The following TCF12 variants were observed in gnomAD, a reference collection of about 807,000 sequenced individuals.
TCF12 encodes DNA-binding protein HTF4.
Under a neutral mutation model 86.0 loss-of-function variants are expected in TCF12, and 45 were observed. That is an observed-to-expected ratio of 0.52 (90% CI 0.41 to 0.67). TCF12 has a LOEUF of 0.67. Ranked by LOEUF, TCF12 falls within the 30% of genes least tolerant of loss-of-function variation. The pLI, the probability that TCF12 is intolerant of heterozygous loss-of-function variation, is 0.00. For missense variants in TCF12, 881 were observed against 859.9 expected (o/e 1.02, Z -0.31); for synonymous variants, 330 against 299.6 (o/e 1.10, Z -1.05).
chr15:57,267,619 A>G (rs1234540102), intron 18 of TCF12, among the ~76,000 whole-genome samples: 4 of 152,178 alleles, frequency 2.6e-5, no homozygotes, highest in African/African-American at 9.7e-5. Context: ...TAGAGGACAA[A>G]AGTAGCCAAA....
At chr15:57,036,698 T>TA (rs1221845166) in intron 3 of TCF12, among the ~76,000 whole-genome samples, 1 of 152,198 alleles carries the variant, frequency 6.6e-6, no homozygotes, top group East Asian at 1.9e-4. Context: ...ATTGAAAATT[T>TA]AAAAAAATTA....
chr15:57,204,318 G>A (rs571718574), intron 8 of TCF12, among the ~76,000 whole-genome samples: 1 of 152,146 alleles, frequency 6.6e-6, no homozygotes, highest in African/African-American at 2.4e-5. Context: ...AGGTATGGTG[G>A]CATGTGCCTG....
intron 2 of TCF12, 34 bp downstream of exon 2, chr15:56,920,022 G>A (rs766514596): frequency 6.2e-7 from 1 of 1,612,348 alleles, no homozygotes; most frequent in Non-Finnish European, 8.5e-7. Flanking sequence ...TTGGGGTTCT[G>A]CTGAGGTTTT....
chr15:56,939,546 A>G (rs969612257), intron 3 of TCF12, among the ~76,000 whole-genome samples: 1 of 152,176 alleles, frequency 6.6e-6, no homozygotes, highest in Non-Finnish European at 1.5e-5. Flanking sequence ...TACTATATGT[A>G]TATTAGACAG....
chr15:56,959,524 A>G (rs577695285), intron 3 of TCF12, among the ~76,000 whole-genome samples: 1 of 152,346 alleles, frequency 6.6e-6, no homozygotes, highest in Non-Finnish European at 1.5e-5. Context: ...GGTGCTAGGA[A>G]TGTTGGTTAA....
At chr15:57,068,735 G>T (rs2069117626) in intron 4 of TCF12, among the ~76,000 whole-genome samples, 1 of 152,154 alleles carries the variant, frequency 6.6e-6, no homozygotes, top group South Asian at 2.1e-4. Flanking sequence ...GAAGTAGGTG[G>T]TGGTGGTATT....
chr15:57,013,648 G>A (rs1488739117), intron 3 of TCF12, among the ~76,000 whole-genome samples: 1 of 152,128 alleles, frequency 6.6e-6, no homozygotes. Flanking sequence ...AAGTCCTGTA[G>A]CTCATGAAGA....
chr15:57,092,084 G>A (rs2049027709), intron 5 of TCF12, 193 bp downstream of exon 5: 1 of 442,840 alleles, frequency 2.3e-6, no homozygotes, highest in Admixed American at 3.6e-5. Flanking sequence ...TACTCTTAAA[G>A]CATTATTGTT....
rs753886465 is a variant in TCF12 at position 57,072,663 on chromosome 15, C to G, written c.222+8840C>G. 36 of 1,304,232 alleles carry G rather than the reference C, an allele frequency of 2.8e-5. No individual in the cohort carries two copies. The highest frequency in any genetic ancestry group is 1.2e-4 in the Admixed American group (5 of 42,120). The allele number at this position is 1,304,232 out of a possible 1,614,324, so 80.8% of individuals were successfully genotyped here. ...GCCTCTTGATCTCAGGTACAATACA[C>G]GAGATGAAGCAGTTAAATAGCAAAG... On this transcript the variant is annotated intron_variant, in intron 4 of 20. Transcript: ENST00000333725.
At chr15:57,277,642 A>C (rs2061464235) in intron 19 of TCF12, among the ~76,000 whole-genome samples, 1 of 151,722 alleles carries the variant, frequency 6.6e-6, no homozygotes, top group Admixed American at 6.6e-5. Flanking sequence ...AAAAAAAAAA[A>C]AAAAATTAAG....
chr15:57,136,875 T>C (rs2052558496), intron 5 of TCF12, among the ~76,000 whole-genome samples: 1 of 150,344 alleles, frequency 6.7e-6, no homozygotes, highest in Non-Finnish European at 1.5e-5. Context: ...GGTCTTGAAC[T>C]CTTAGGCTCA....
At chr15:57,194,312 G>A (rs891059861) in intron 7 of TCF12, among the ~76,000 whole-genome samples, 5 of 152,166 alleles carry the variant, frequency 3.3e-5, no homozygotes, top group Non-Finnish European at 5.9e-5. Flanking sequence ...CTGTGAGGTT[G>A]TAATGTTAAC....
intron 5 of TCF12, among the ~76,000 whole-genome samples, chr15:57,107,378 G>A (rs1418384500): frequency 2.0e-5 from 3 of 152,122 alleles, no homozygotes; most frequent in South Asian, 2.1e-4. Context: ...TCTGGAAAAG[G>A]CAAAACAATG....
upstream of TCF12, chr15:56,918,139 C>T: frequency 2.2e-6 from 1 of 451,128 alleles, no homozygotes; most frequent in South Asian, 1.6e-5. Context: ...GCGGTGTCTG[C>T]GCCGACTGCA....
At chr15:57,250,373 T>A (rs1210837285) in intron 13 of TCF12, among the ~76,000 whole-genome samples, 1 of 152,184 alleles carries the variant, frequency 6.6e-6, no homozygotes, top group Non-Finnish European at 1.5e-5. Flanking sequence ...TATATCACTG[T>A]TCATAATAGC....
chr15:56,990,666 T>C (rs1185836694), intron 3 of TCF12, among the ~76,000 whole-genome samples: 1 of 152,200 alleles, frequency 6.6e-6, no homozygotes, highest in Non-Finnish European at 1.5e-5. Context: ...ACTGCAGAAC[T>C]TGTAGCTTGA....
At chr15:57,209,539 A>G (rs960624441) in intron 8 of TCF12, among the ~76,000 whole-genome samples, 3 of 152,254 alleles carry the variant, frequency 2.0e-5, no homozygotes, top group Non-Finnish European at 2.9e-5. Context: ...TTCTCTTACT[A>G]GAATTCTCTT....
intron 3 of TCF12, among the ~76,000 whole-genome samples, chr15:56,983,102 G>A (rs778315228): frequency 1.3e-5 from 2 of 152,154 alleles, no homozygotes; most frequent in Non-Finnish European, 2.9e-5. Flanking sequence ...GTGAGAATAT[G>A]GGACATTCTT....
chr15:57,050,006 G>T (rs2067502879), intron 3 of TCF12, among the ~76,000 whole-genome samples: 1 of 152,002 alleles, frequency 6.6e-6, no homozygotes. Context: ...TATTTTTAGG[G>T]GTTCCTCTAG....
Sources: gnomAD v4.1 joint callset for allele counts (sites outside exome capture counted in the v4.1 genomes callset) on GRCh38, gnomAD v4.1.1 for gene constraint, MANE v1.5 for transcripts, NCBI Gene and HGNC (gene_info 2026-07-23, HGNC 2026-07-21) for gene names.